The following KCNQ1 variants were observed in gnomAD, a reference collection of about 807,000 sequenced individuals.
KCNQ1 encodes potassium voltage-gated channel subfamily KQT member 1.
Under a neutral mutation model 72.4 loss-of-function variants are expected in KCNQ1, and 49 were observed. The ratio of observed to expected loss-of-function variants is 0.68; its 90% CI spans 0.54 to 0.86. KCNQ1 has a LOEUF of 0.86. KCNQ1 is among the 40% of genes least tolerant of loss of function. KCNQ1 has a pLI of 0.00. For missense variants in KCNQ1, 790 were observed against 945.1 expected, an observed-to-expected ratio of 0.84 and a Z score of 2.15; for synonymous variants, 450 against 412.6, an observed-to-expected ratio of 1.09 and a Z score of -1.10.
rs906707838 is a variant in KCNQ1, at chr11:2,592,684, G to A, written c.1393+3830G>A. 2.0e-5 allele frequency among the ~76,000 whole-genome samples: 3 copies of A among 152,196 alleles called. No individual in the cohort carries two copies. Among genetic ancestry groups the A allele is most frequent in the African/African-American group, 7.2e-5 (3 of 41,442 alleles). ...AGTGTCAAAGGGACTGGGGACCTGC[G>A]AGGATGCGGTGGCCATTGTCTGTGC... On this transcript the variant is annotated intron_variant, in intron 10 of 15. Coordinates refer to ENST00000155840, the MANE Select transcript of KCNQ1 (RefSeq NM_000218.3). This position sits in a 1 kb window ranked among gnomAD's most constrained non-coding sequence, Gnocchi z 5.2.
intron 6 of KCNQ1, among the ~76,000 whole-genome samples, chr11:2,578,528 G>A (rs1848454099): frequency 6.6e-6 from 1 of 152,240 alleles, no homozygotes; most frequent in Non-Finnish European, 1.5e-5. Context: ...TCCTGCATGG[G>A]CTTCCTTCCA....
Position 2,808,471 on chromosome 11 carries a change from A to G in KCNQ1, c.1794+30434A>G, listed in dbSNP as rs1847421906. Among the ~76,000 whole-genome samples the G allele has an allele frequency of 6.6e-6, 1 of 152,210 alleles. No homozygotes were observed. The highest frequency in any genetic ancestry group is 1.5e-5 in the Non-Finnish European group (1 of 68,034). ...AGGGGCATTTGAAAATAGCATTCAG[A>G]GTTGCTATTAATAGGCTCTGATGCA... On this transcript the variant is annotated intron_variant, in intron 15 of 15. Coordinates refer to ENST00000155840, the MANE Select transcript of KCNQ1 (RefSeq NM_000218.3). This position sits in a 1 kb window ranked among gnomAD's most constrained non-coding sequence, Gnocchi z 6.0.
chr11:2,503,381 C>G (rs561131693), intron 1 of KCNQ1, among the ~76,000 whole-genome samples: 25 of 152,060 alleles, frequency 1.6e-4, no homozygotes, highest in African/African-American at 5.8e-4. Flanking sequence ...AGACATTTCT[C>G]GAAAGAAGAC....
rs187693251 is a variant in KCNQ1 at position 2,777,181 on chromosome 11, G to A, written c.1732+149G>A. On this transcript the variant is annotated intron_variant, in intron 14 of 15. Transcript: ENST00000155840. ...AAATGAAAGCCAGGGAGTAAGGGGA[G>A]GTAGACCCCACCCTTAGCAAAGTGG... The A allele has an allele frequency of 1.6e-3, 1,251 of 802,184 alleles. 3 individuals are homozygous for A. The highest frequency in any genetic ancestry group is 4.9e-3 in the Admixed American group (247 of 50,054). 49.7% of individuals were successfully genotyped at this position (802,184 alleles called of 1,614,324 possible). A position where few individuals can be genotyped will look rare whatever the true frequency, so the allele number is the denominator to read the frequency against.
rs958480591 is a variant in KCNQ1, at chr11:2,481,887, A to G, written c.386+36403A>G. On this transcript the variant is annotated intron_variant, in intron 1 of 15. Coordinates refer to ENST00000155840, the MANE Select transcript of KCNQ1 (RefSeq NM_000218.3). This position sits in a 1 kb window ranked among gnomAD's most constrained non-coding sequence, Gnocchi z 4.6. ...ATTTAATTCTATATTACAATGTAAT[A>G]ATAGTAGAAATAAAGTGCCCAATGC... 1.3e-5 allele frequency among the ~76,000 whole-genome samples: 2 copies of G among 152,256 alleles called. No individual in the cohort carries two copies. Among genetic ancestry groups the G allele is most frequent in the African/African-American group, 4.8e-5 (2 of 41,462 alleles).
chr11:2,468,300 C>T lies in KCNQ1; in HGVS notation c.386+22816C>T, dbSNP rs1345183346. On this transcript the variant is annotated intron_variant, in intron 1 of 15. Coordinates refer to ENST00000155840, the MANE Select transcript of KCNQ1 (RefSeq NM_000218.3). The surrounding 1 kb of genome is among the most constrained non-coding windows in gnomAD (Gnocchi z 5.7). ...TAGCTGGGACTACAGATGCACACCA[C>T]CACGCCTGGCTAATTTTTGTATTTT... Among the ~76,000 whole-genome samples, 2 of 152,174 alleles carry T rather than the reference C, an allele frequency of 1.3e-5. No individual in the cohort carries two copies. The highest frequency in any genetic ancestry group is 2.9e-5 in the Non-Finnish European group (2 of 68,036).
intron 1 of KCNQ1, among the ~76,000 whole-genome samples, chr11:2,453,911 CTT>C (rs1478192087): frequency 6.6e-6 from 1 of 152,154 alleles, no homozygotes; most frequent in African/African-American, 2.4e-5. Flanking sequence ...ATAGATCTCT[CTT>C]ATTATGAAGT....
At chr11:2,648,325 G>A (rs1455224519) in intron 10 of KCNQ1, 4 of 398,302 alleles carry the variant, frequency 1.0e-5, no homozygotes, top group Admixed American at 8.8e-5. Context: ...GGTTTGATTT[G>A]TTCTTGCTTT....
intron 11 of KCNQ1, among the ~76,000 whole-genome samples, chr11:2,749,533 G>A (rs1846190462): frequency 6.6e-6 from 1 of 152,050 alleles, no homozygotes; most frequent in Non-Finnish European, 1.5e-5. Flanking sequence ...GGCTTGGCCG[G>A]GCGTGCTGCC....
At position 2,463,960 on chromosome 11, in the gene KCNQ1, G is replaced by A. The variant is rs1460363489; in HGVS notation, c.386+18476G>A. On this transcript the variant is annotated intron_variant, in intron 1 of 15. Transcript: ENST00000155840. The surrounding 1 kb of genome is among the most constrained non-coding windows in gnomAD (Gnocchi z 7.0). ...CTCCGTGCCCAGCAGGCTCACTGTCGGCAGTTGGGTCTGGTTTGATAACCG... is the reference window on the plus strand; with the variant it reads ...CTCCGTGCCCAGCAGGCTCACTGTCAGCAGTTGGGTCTGGTTTGATAACCG... Among the ~76,000 whole-genome samples the A allele has an allele frequency of 2.0e-5, 3 of 152,344 alleles. No homozygotes were observed. The highest frequency in any genetic ancestry group is 7.2e-5 in the African/African-American group (3 of 41,584).
rs1847754165 is a variant in KCNQ1 at position 2,537,622 on chromosome 11, A to G, written c.477+9604A>G. On this transcript the variant is annotated intron_variant, in intron 2 of 15. Coordinates refer to ENST00000155840, the MANE Select transcript of KCNQ1 (RefSeq NM_000218.3). The surrounding 1 kb of genome is among the most constrained non-coding windows in gnomAD (Gnocchi z 5.2). ...GCTCCCAGGCACCCTCTGCCAGGTC[A>G]GCAGTGGCTTTCATCTTCTGCCATT... 6.6e-6 allele frequency among the ~76,000 whole-genome samples: 1 copy of G among 152,096 alleles called. No individual in the cohort carries two copies. Among genetic ancestry groups the G allele is most frequent in the Admixed American group, 6.5e-5 (1 of 15,290 alleles).
intron 1 of KCNQ1, among the ~76,000 whole-genome samples, chr11:2,503,906 C>T (rs960088645): frequency 3.9e-5 from 6 of 152,084 alleles, no homozygotes; most frequent in African/African-American, 9.7e-5. Context: ...CTACAACCAC[C>T]GTGGAGGACA....
rs886764125 is a variant in KCNQ1, at chr11:2,671,775, A to C, written c.1514+9694A>C. 5.0e-6 allele frequency: 2 copies of C among 398,632 alleles called. No homozygotes were observed. Among genetic ancestry groups the C allele is most frequent in the African/African-American group, 2.1e-5 (1 of 48,620 alleles). 24.7% of individuals were successfully genotyped at this position (398,632 alleles called of 1,614,324 possible). A position where few individuals can be genotyped will look rare whatever the true frequency, so the allele number is the denominator to read the frequency against. On this transcript the variant is annotated intron_variant, in intron 11 of 15. Coordinates refer to ENST00000155840, the MANE Select transcript of KCNQ1 (RefSeq NM_000218.3). This position sits in a 1 kb window ranked among gnomAD's most constrained non-coding sequence, Gnocchi z 4.7. ...TACACATACATGCATGCACATAATC[A>C]TTCTGACCCAGTCAGGGTTCTTCCC...
Position 2,673,001 on chromosome 11 carries a change from T to C in KCNQ1, c.1514+10920T>C, listed in dbSNP as rs1850214289. On this transcript the variant is annotated intron_variant, in intron 11 of 15. Coordinates refer to ENST00000155840, the MANE Select transcript of KCNQ1 (RefSeq NM_000218.3). The surrounding 1 kb of genome is among the most constrained non-coding windows in gnomAD (Gnocchi z 4.5). Reference sequence around the variant, plus strand: ...AGGCCTTGCCTAAAGGAGAAGCCAGTGAATCAATGTGTTACTTGAACAAAT... The same window carrying C: ...AGGCCTTGCCTAAAGGAGAAGCCAGCGAATCAATGTGTTACTTGAACAAAT... The C allele has an allele frequency of 2.5e-6, 1 of 398,600 alleles. No homozygotes were observed. The highest frequency in any genetic ancestry group is 4.4e-6 in the Non-Finnish European group (1 of 226,094). The allele number at this position is 398,600 out of a possible 1,614,324, so 24.7% of individuals were successfully genotyped here. A position where few individuals can be genotyped will look rare whatever the true frequency, so the allele number is the denominator to read the frequency against.
At chr11:2,585,371 T>TA (rs1848578811) in intron 8 of KCNQ1, 64 bp downstream of exon 8, 1 of 1,412,614 alleles carries the variant, frequency 7.1e-7, no homozygotes, top group Non-Finnish European at 1.0e-6. Context: ...CATCCAGCCC[T>TA]CACGGCCACC....
chr11:2,527,849 A>G (rs1447581526), intron 1 of KCNQ1, 79 bp from the exon 2 acceptor site: 1 of 1,298,916 alleles, frequency 7.7e-7, no homozygotes, highest in Admixed American at 1.7e-5. Context: ...GGCTGAGGCC[A>G]GGGGCCCCTC....
chr11:2,569,371 A>G (rs906949821), intron 2 of KCNQ1, among the ~76,000 whole-genome samples: 2 of 152,254 alleles, frequency 1.3e-5, no homozygotes, highest in Non-Finnish European at 2.9e-5. Flanking sequence ...TGGTGTAAGT[A>G]TCATTCCATC....
Position 2,657,305 on chromosome 11 carries a change from G to A in KCNQ1, c.1394-4656G>A. 1 of 398,588 alleles carries A rather than the reference G, an allele frequency of 2.5e-6. No individual in the cohort carries two copies. Among genetic ancestry groups the A allele is most frequent in the Non-Finnish European group, 4.4e-6 (1 of 226,066 alleles). The allele number at this position is 398,588 out of a possible 1,614,324, so 24.7% of individuals were successfully genotyped here. ...TTGGAGAGATTTATTCAGATTTTGA[G>A]ATAATCTTTTCAGTATTGAGTCTTC... On this transcript the variant is annotated intron_variant, in intron 10 of 15. Transcript: ENST00000155840. This position sits in a 1 kb window ranked among gnomAD's most constrained non-coding sequence, Gnocchi z 4.8.
intron 15 of KCNQ1, among the ~76,000 whole-genome samples, chr11:2,839,191 G>A (rs1042177625): frequency 1.3e-5 from 2 of 152,160 alleles, no homozygotes; most frequent in Admixed American, 6.5e-5. Flanking sequence ...CACCTGCCTG[G>A]CAGTGAGGCA....
Sources: gnomAD v4.1 joint callset for allele counts (sites outside exome capture counted in the v4.1 genomes callset) on GRCh38, gnomAD v4.1.1 for gene constraint, Gnocchi (gnomAD v3.1) non-coding constraint, MANE v1.5 for transcripts, NCBI Gene and HGNC (gene_info 2026-07-23, HGNC 2026-07-21) for gene names.